Variants in TRIM9 observed in about 807,000 individuals in gnomAD.
TRIM9 encodes the protein tripartite motif containing 9.
A neutral mutation model predicts 78.3 loss-of-function variants in TRIM9; 26 were observed. The observed-to-expected ratio is 0.33, with a 90% CI of 0.24 to 0.46. The LOEUF is 0.46. TRIM9 is among the 20% of genes least tolerant of loss of function. The pLI is 1.00. For synonymous variants in TRIM9, 398 were observed against 416.5 expected (o/e 0.96, Z 0.54); for missense variants, 787 against 1,036.4 (o/e 0.76, Z 3.30).
chr14:51,046,418 C>T (rs1161699471), intron 1 of TRIM9, among the ~76,000 whole-genome samples: 1 of 152,154 alleles, frequency 6.6e-6, no homozygotes, highest in Non-Finnish European at 1.5e-5. Context: ...TATTGTTACA[C>T]TGTACTATGG....
intron 11 of TRIM9, 99 bp downstream of exon 11, chr14:50,981,701 T>A (rs927370684): frequency 1.4e-6 from 2 of 1,477,026 alleles, no homozygotes; most frequent in African/African-American, 2.8e-5. Flanking sequence ...CCTGTTTGAT[T>A]TCCTGAATGT....
intron 3 of TRIM9, among the ~76,000 whole-genome samples, chr14:51,021,917 G>A (rs1200697504): frequency 6.6e-6 from 1 of 152,142 alleles, no homozygotes; most frequent in Admixed American, 6.5e-5. Flanking sequence ...CAACTGTAAA[G>A]TTCACTTGAG....
intron 1 of TRIM9, among the ~76,000 whole-genome samples, chr14:51,073,362 T>C (rs1418622988): frequency 6.6e-6 from 1 of 152,240 alleles, no homozygotes; most frequent in East Asian, 1.9e-4. Flanking sequence ...TGTTTATAGC[T>C]GCACTACTCT....
intron 1 of TRIM9, among the ~76,000 whole-genome samples, chr14:51,026,498 C>T (rs547853863): frequency 3.3e-5 from 5 of 152,264 alleles, no homozygotes; most frequent in East Asian, 3.9e-4. Context: ...TATACCCTTC[C>T]GTACCTCAGG....
chr14:51,070,290 A>G (rs1184715314), intron 1 of TRIM9, among the ~76,000 whole-genome samples: 2 of 152,210 alleles, frequency 1.3e-5, no homozygotes, highest in African/African-American at 2.4e-5. Context: ...AACAATATAT[A>G]TTAAACAAGG....
rs1308680368 is a variant in TRIM9 at position 51,009,052 on chromosome 14, C to G, written c.1306+28G>C. The G allele has an allele frequency of 6.2e-6, 10 of 1,611,242 alleles. No homozygotes were observed. In the African/African-American group the frequency reaches 9.3e-5, roughly 15 times the overall value. On this transcript the variant is annotated intron_variant, in intron 5 of 12. Transcript: ENST00000684578. Reference sequence around the variant, plus strand: ...ACCAGCATCCACTCAGGATGTTGCTCTCTGACTTGGGGGATGCAAGGACAT... The same window carrying G: ...ACCAGCATCCACTCAGGATGTTGCTGTCTGACTTGGGGGATGCAAGGACAT...
In TRIM9 at chr14:50,985,992, T is replaced by C. The variant is rs1269434231; in HGVS notation, c.1756A>G (p.Ser586Gly). 1.9e-6 allele frequency: 3 copies of C among 1,547,190 alleles called. No homozygotes were observed. The highest frequency in any genetic ancestry group is 2.6e-6 in the Non-Finnish European group (3 of 1,145,358). The change falls in exon 8 of 13, where the codon AGC becomes GGC. Residue 586 changes from serine (S) to glycine (G), a missense_variant. Around this residue, in one of 3 missense-constraint regions of TRIM9, gnomAD observed 421 missense variants for 514.3 expected, o/e 0.82. Coordinates refer to ENST00000684578, the MANE Select transcript of TRIM9 (RefSeq NM_001387360.1). ...AGAGACTGTAAAGAGGAATGCAAGC[T>C]CAGCTGGTGGGGTGAGGATCGGAAA... ...FDFRSSPHQL[S>G]LHSSLQSLNA... is the part of the protein sequence containing the mutation.
At chr14:51,047,727 G>A (rs1171178294) in intron 1 of TRIM9, among the ~76,000 whole-genome samples, 2 of 151,826 alleles carry the variant, frequency 1.3e-5, no homozygotes, top group Non-Finnish European at 2.9e-5. Context: ...GGCCAATGAA[G>A]AGGTGCCAAC....
intron 1 of TRIM9, among the ~76,000 whole-genome samples, chr14:51,085,862 T>C (rs2063705127): frequency 6.6e-6 from 1 of 152,198 alleles, no homozygotes; most frequent in Admixed American, 6.5e-5. Flanking sequence ...TGGTAAAATC[T>C]TACTGTCTAT....
At chr14:50,993,199 A>T (rs1312617805) in intron 7 of TRIM9, among the ~76,000 whole-genome samples, 1 of 151,878 alleles carries the variant, frequency 6.6e-6, no homozygotes, top group Non-Finnish European at 1.5e-5. Context: ...CCAGTGGGGG[A>T]AGGGCCTCTC....
chr14:51,055,696 C>G (rs2060841813), intron 1 of TRIM9, among the ~76,000 whole-genome samples: 1 of 152,182 alleles, frequency 6.6e-6, no homozygotes, highest in Admixed American at 6.5e-5. Flanking sequence ...ACTGACACCT[C>G]GATTTTAGCC....
At chr14:51,018,498 C>T (rs186289835) in intron 3 of TRIM9, among the ~76,000 whole-genome samples, 3 of 152,142 alleles carry the variant, frequency 2.0e-5, no homozygotes, top group East Asian at 1.9e-4. Context: ...GTTCTTAATA[C>T]GTGATATAAT....
intron 1 of TRIM9, among the ~76,000 whole-genome samples, chr14:51,075,658 C>A (rs932790037): frequency 5.9e-5 from 9 of 152,052 alleles, no homozygotes; most frequent in Non-Finnish European, 1.3e-4. Flanking sequence ...TTGCAGACTC[C>A]CAGAGGTGAG....
At chr14:51,054,045 G>A (rs2060677509) in intron 1 of TRIM9, among the ~76,000 whole-genome samples, 1 of 152,116 alleles carries the variant, frequency 6.6e-6, no homozygotes, top group Admixed American at 6.5e-5. Flanking sequence ...AGTAATTGAA[G>A]TCCAGAGGCT....
rs1195122318 is a variant in TRIM9, at chr14:51,071,325, G to A, written c.822+22793C>T. On this transcript the variant is annotated intron_variant, in intron 1 of 12. Transcript: ENST00000684578. ...CGGGAGGTGGAGGTTGTGCTGAGCC[G>A]AGACTGCGCCATTGTATTCCAGCCT... Among the ~76,000 whole-genome samples the A allele has an allele frequency of 3.4e-5, 5 of 147,318 alleles. No homozygotes were observed. The South Asian group carries it at 8.6e-4, about 25-fold the overall frequency.
chr14:50,995,211 T>C (rs8014229), intron 7 of TRIM9, among the ~76,000 whole-genome samples: 132,163 of 152,236 alleles, frequency 0.87, 57,765 homozygotes, highest in African/African-American at 0.95. Flanking sequence ...AATTAATTTT[T>C]ATTGCTTTCC....
intron 1 of TRIM9, among the ~76,000 whole-genome samples, chr14:51,061,460 T>C (rs2061348261): frequency 6.6e-6 from 1 of 151,766 alleles, no homozygotes; most frequent in Admixed American, 6.6e-5. Context: ...ATTGTAAGGA[T>C]ATACATATTG....
intron 1 of TRIM9, among the ~76,000 whole-genome samples, chr14:51,037,407 G>A (rs74332766): frequency 0.018 from 2,746 of 152,120 alleles, 65 homozygotes; most frequent in African/African-American, 0.054. Context: ...CTGCATGCAT[G>A]ACCTAGACCC....
At chr14:50,991,331 T>C (rs2053483228) in intron 7 of TRIM9, among the ~76,000 whole-genome samples, 1 of 152,210 alleles carries the variant, frequency 6.6e-6, no homozygotes, top group African/African-American at 2.4e-5. Flanking sequence ...ATATCATGCA[T>C]GTGTCAAAAT....
Sources: gnomAD v4.1 joint callset for allele counts (sites outside exome capture counted in the v4.1 genomes callset) on GRCh38, gnomAD v4.1.1 for gene constraint, gnomAD v4.1.1 regional missense constraint, MANE v1.5 for transcripts, NCBI Gene and HGNC (gene_info 2026-07-23, HGNC 2026-07-21) for gene names.